CTNNA2: variants seen among roughly 807,000 people sequenced by gnomAD.
CTNNA2 encodes catenin alpha 2.
CTNNA2 carries 42 observed loss-of-function variants against 101.0 expected under a neutral mutation model. That is an observed-to-expected ratio of 0.42 (90% CI 0.32 to 0.54). The LOEUF is 0.54. CTNNA2 is among the 20% of genes least tolerant of loss of function. The pLI, the probability that CTNNA2 is intolerant of heterozygous loss-of-function variation, is 0.14. For synonymous variants in CTNNA2, 450 were observed against 456.4 expected, an observed-to-expected ratio of 0.99 and a Z score of 0.18; for missense variants, 871 against 1,223.1, an observed-to-expected ratio of 0.71 and a Z score of 4.29.
At chr2:79,524,571 C>T (rs1320069363) in intron 1 of CTNNA2, 3 of 151,412 alleles carry the variant, frequency 2.0e-5, no homozygotes, top group Non-Finnish European at 4.4e-5. Context: ...ACCCCACTTA[C>T]AAGCCTTATT....
chr2:80,611,006 GT>G (rs3836002), intron 17 of CTNNA2, among the ~76,000 whole-genome samples: 71 of 146,604 alleles, frequency 4.8e-4, no homozygotes, highest in African/African-American at 7.1e-4. Flanking sequence ...TGGCAATTAG[GT>G]TTTTTTTTTT....
At chr2:79,812,182 C>G (rs1677095230) in intron 3 of CTNNA2, among the ~76,000 whole-genome samples, 2 of 152,108 alleles carry the variant, frequency 1.3e-5, no homozygotes, top group South Asian at 4.1e-4. Flanking sequence ...CTGTTATCTT[C>G]AAATAGTTGC....
intron 7 of CTNNA2, among the ~76,000 whole-genome samples, chr2:80,043,119 CT>C (rs1696260349): frequency 1.5e-4 from 8 of 52,006 alleles, no homozygotes; most frequent in African/African-American, 1.7e-4. Flanking sequence ...CTCTTTCTTT[CT>C]CCTTCCTTCC....
chr2:80,315,804 A>G (rs1396491702), intron 7 of CTNNA2, among the ~76,000 whole-genome samples: 1 of 151,992 alleles, frequency 6.6e-6, no homozygotes, highest in Non-Finnish European at 1.5e-5. Context: ...TATTATTACA[A>G]CTCTAAGTAT....
intron 2 of CTNNA2, among the ~76,000 whole-genome samples, chr2:79,272,885 CTT>C (rs1388911973): frequency 6.6e-6 from 1 of 151,990 alleles, no homozygotes; most frequent in African/African-American, 2.4e-5. Flanking sequence ...CAGACAGACT[CTT>C]TGTTTTACTT....
chr2:79,439,966 A>G (rs1294117536), intron 4 of CTNNA2, among the ~76,000 whole-genome samples: 1 of 152,134 alleles, frequency 6.6e-6, no homozygotes, highest in African/African-American at 2.4e-5. Context: ...TTAGATTTTT[A>G]ATAATAATAA....
intron 17 of CTNNA2, among the ~76,000 whole-genome samples, chr2:80,616,063 A>C (rs1261138649): frequency 6.6e-6 from 1 of 151,666 alleles, no homozygotes; most frequent in African/African-American, 2.4e-5. Context: ...GAACACCTTC[A>C]TCTGTGCAGA....
chr2:80,322,679 G>A lies in CTNNA2; in HGVS notation c.1057-70532G>A, dbSNP rs1395349384. Among the ~76,000 whole-genome samples, 12 of 152,218 alleles carry A rather than the reference G, an allele frequency of 7.9e-5. No homozygotes were observed. In the South Asian group the frequency reaches 2.5e-3, roughly 32 times the overall value. On this transcript the variant is annotated intron_variant, in intron 7 of 18. Transcript: ENST00000402739. ...TCAGGACGATCGGAAACGCGTGTGTGGGGAGATGGGTGCCAGTGTCGCCTT... is the reference window on the plus strand; with the variant it reads ...TCAGGACGATCGGAAACGCGTGTGTAGGGAGATGGGTGCCAGTGTCGCCTT...
chr2:80,019,331 A>G (rs1694384994), intron 7 of CTNNA2, among the ~76,000 whole-genome samples: 1 of 152,198 alleles, frequency 6.6e-6, no homozygotes, highest in South Asian at 2.1e-4. Flanking sequence ...TTAGCTTGCA[A>G]TGGTTGAAAT....
intron 2 of CTNNA2, among the ~76,000 whole-genome samples, chr2:79,262,521 A>AG (rs1674936386): frequency 6.6e-6 from 1 of 152,094 alleles, no homozygotes; most frequent in Admixed American, 6.5e-5. Flanking sequence ...GAAAATATAG[A>AG]GAAAAAAAAA....
chr2:80,029,509 T>G (rs1347577661), intron 7 of CTNNA2: 1 of 152,116 alleles, frequency 6.6e-6, no homozygotes, highest in Non-Finnish European at 1.5e-5. Context: ...TCCTGAGAGT[T>G]AAGGAAAGTT....
At chr2:80,015,929 G>T (rs1694110434) in intron 7 of CTNNA2, among the ~76,000 whole-genome samples, 1 of 152,172 alleles carries the variant, frequency 6.6e-6, no homozygotes, top group East Asian at 1.9e-4. Context: ...TTGATGATCA[G>T]TGTTTACAGA....
chr2:79,497,453 C>G (rs1671268880), intron 4 of CTNNA2, among the ~76,000 whole-genome samples: 1 of 152,196 alleles, frequency 6.6e-6, no homozygotes, highest in South Asian at 2.1e-4. Context: ...TCTGCATCTC[C>G]TGTCATCTAA....
chr2:80,585,154 T>C (rs11887440), intron 14 of CTNNA2, among the ~76,000 whole-genome samples: 10,427 of 152,236 alleles, frequency 0.068, 613 homozygotes, highest in African/African-American at 0.16. Context: ...TGGGGACCCA[T>C]AGACGTTAAA....
chr2:79,750,369 C>A (rs1216170861), intron 3 of CTNNA2, among the ~76,000 whole-genome samples: 2 of 152,184 alleles, frequency 1.3e-5, no homozygotes, highest in Non-Finnish European at 2.9e-5. Context: ...CAGTTGGACC[C>A]AGGCTTCAAG....
At chr2:79,630,138 G>A (rs764861866) in intron 1 of CTNNA2, among the ~76,000 whole-genome samples, 2 of 152,090 alleles carry the variant, frequency 1.3e-5, no homozygotes, top group Non-Finnish European at 2.9e-5. Flanking sequence ...ATTCCTTCCT[G>A]CCGTACCACA....
intron 7 of CTNNA2, among the ~76,000 whole-genome samples, chr2:79,918,386 A>C (rs746540092): frequency 6.6e-6 from 1 of 152,204 alleles, no homozygotes; most frequent in Non-Finnish European, 1.5e-5. Context: ...AGGACAAAGA[A>C]CATTGATTCA....
chr2:79,624,028 CTCTCTTTCCCCTTGCCCACT>C (rs1226511095), intron 1 of CTNNA2, among the ~76,000 whole-genome samples: 3 of 151,934 alleles, frequency 2.0e-5, no homozygotes, highest in Non-Finnish European at 4.4e-5. Context: ...TTCCCCCATG[CTCTCTTTCCCCTTGCCCACT>C]TCTCTTTCCC....
chr2:79,860,525 C>CCA (rs1371770203), intron 4 of CTNNA2, among the ~76,000 whole-genome samples: 2 of 133,846 alleles, frequency 1.5e-5, no homozygotes, highest in Non-Finnish European at 3.1e-5. Context: ...AATCTCTTCT[C>CCA]CACACAGCCG....
Sources: allele counts gnomAD v4.1 joint callset (sites outside exome capture counted in the v4.1 genomes callset), GRCh38; gene constraint gnomAD v4.1.1; transcripts MANE v1.5; gene names NCBI Gene and HGNC (gene_info 2026-07-23, HGNC 2026-07-21).